Variants in PSD3 observed in about 807,000 individuals in gnomAD.
The protein encoded by PSD3 is PH and SEC7 domain-containing protein 3.
In PSD3, 49 loss-of-function variants were observed where a neutral mutation model predicts 105.5. The observed-to-expected ratio is 0.46, with a 90% CI of 0.37 to 0.59. The LOEUF is 0.59. Ranked by LOEUF, PSD3 falls within the 20% of genes least tolerant of loss-of-function variation. The pLI is 0.00. For missense variants in PSD3, 1,561 were observed against 1,263.8 expected (o/e 1.24, Z -3.57); for synonymous variants, 557 against 457.8 (o/e 1.22, Z -2.77).
chr8:18,613,344 G>A (rs142559866), intron 11 of PSD3, among the ~76,000 whole-genome samples: 11 of 152,230 alleles, frequency 7.2e-5, no homozygotes, highest in East Asian at 1.9e-4. Flanking sequence ...CTGTTTGCAG[G>A]GGGGAGGAGC....
At chr8:18,865,286 A>T (rs28546798) in intron 4 of PSD3, 6,295 of 13,458 alleles carry the variant, frequency 0.47, 1,223 homozygotes, top group East Asian at 0.65. Context: ...ATATATATAT[A>T]TTTTTTTTTT....
intron 8 of PSD3, among the ~76,000 whole-genome samples, chr8:18,781,226 C>T (rs556271439): frequency 3.7e-4 from 56 of 152,102 alleles, no homozygotes; most frequent in Non-Finnish European, 6.2e-4. Context: ...ACCATAAATC[C>T]CATTCCTAGG....
chr8:18,925,289 A>G (rs963716823), intron 2 of PSD3, among the ~76,000 whole-genome samples: 2 of 152,060 alleles, frequency 1.3e-5, no homozygotes, highest in African/African-American at 4.8e-5. Flanking sequence ...CAGCTACTCA[A>G]GAGGCTGAGG....
chr8:18,612,920 T>C (rs924326238), intron 11 of PSD3, among the ~76,000 whole-genome samples: 2 of 152,110 alleles, frequency 1.3e-5, no homozygotes, highest in Non-Finnish European at 2.9e-5. Context: ...TAAAAACAAG[T>C]ATCTTTCCCC....
chr8:18,568,789 C>G (rs970685098), intron 14 of PSD3, among the ~76,000 whole-genome samples: 1 of 151,790 alleles, frequency 6.6e-6, no homozygotes, highest in African/African-American at 2.4e-5. Flanking sequence ...ATGTGCCATG[C>G]TGGTGCGCTG....
chr8:18,736,124 G>A (rs908564865), intron 9 of PSD3, among the ~76,000 whole-genome samples: 4 of 152,096 alleles, frequency 2.6e-5, no homozygotes, highest in African/African-American at 9.7e-5. Context: ...ACCTATTTAA[G>A]TATAAGCATA....
intron 9 of PSD3, among the ~76,000 whole-genome samples, chr8:18,748,774 A>G (rs2129437042): frequency 6.6e-6 from 1 of 152,120 alleles, no homozygotes; most frequent in South Asian, 2.1e-4. Context: ...TGACCTCATC[A>G]TCTCTCCACA....
chr8:19,006,184 T>C (rs567560240), intron 1 of PSD3, among the ~76,000 whole-genome samples: 11 of 150,030 alleles, frequency 7.3e-5, no homozygotes, highest in African/African-American at 2.7e-4. Flanking sequence ...TCTCAGCTAC[T>C]CGGGAGGTGG....
chr8:18,893,967 G>C (rs532202501), intron 2 of PSD3, among the ~76,000 whole-genome samples: 1 of 152,266 alleles, frequency 6.6e-6, no homozygotes, highest in Admixed American at 6.5e-5. Context: ...CTTTCAAAAT[G>C]CAAGAGCTTG....
At position 18,701,507 on chromosome 8, in the gene PSD3, A is replaced by T. The variant is rs1338509116; in HGVS notation, c.2173-45822T>A. On this transcript the variant is annotated intron_variant, in intron 9 of 15. Coordinates refer to ENST00000327040, the MANE Select transcript of PSD3 (RefSeq NM_015310.4). ...CTTTTATACAGAATGGAACAATCAC[A>T]TCGTTTATCAATAGGGTAAGCTGAA... 2.0e-5 allele frequency among the ~76,000 whole-genome samples: 3 copies of T among 152,160 alleles called. No homozygotes were observed. The East Asian group carries it at 5.8e-4, about 29-fold the overall frequency.
At chr8:19,061,607 A>G (rs1393998258) in intron 1 of PSD3, among the ~76,000 whole-genome samples, 1 of 152,126 alleles carries the variant, frequency 6.6e-6, no homozygotes, top group Non-Finnish European at 1.5e-5. Context: ...GGAGTTCAAG[A>G]CCACTCTGAC....
Position 18,863,709 on chromosome 8 carries a change from T to C in PSD3, c.1634+3965A>G, listed in dbSNP as rs1816622873. ...TTCACCTTACACAGAGTGAGCCGCT[T>C]GATGTCACAAAGGTATTTAATACTT... On this transcript the variant is annotated intron_variant, in intron 4 of 15. Transcript: ENST00000327040. Among the ~76,000 whole-genome samples, 4 of 152,276 alleles carry C rather than the reference T, an allele frequency of 2.6e-5. No homozygotes were observed. The South Asian group carries it at 8.3e-4, about 32-fold the overall frequency.
chr8:19,048,249 C>T (rs1289506901), intron 1 of PSD3, among the ~76,000 whole-genome samples: 2 of 152,072 alleles, frequency 1.3e-5, no homozygotes, highest in Non-Finnish European at 2.9e-5. Context: ...AGAGAGGTGG[C>T]CCCACCCTCT....
intron 8 of PSD3, among the ~76,000 whole-genome samples, chr8:18,795,453 G>C (rs541419151): frequency 1.6e-4 from 25 of 152,292 alleles, no homozygotes; most frequent in African/African-American, 6.0e-4. Context: ...CTCAAGCCTT[G>C]ATGTTAAAAG....
chr8:18,607,515 G>A (rs183604237), intron 11 of PSD3, among the ~76,000 whole-genome samples: 9 of 151,992 alleles, frequency 5.9e-5, no homozygotes, highest in East Asian at 3.9e-4. Flanking sequence ...AGCACTGGGC[G>A]TTTTCACTCT....
rs371850001 is a variant in PSD3 at position 18,556,251 on chromosome 8, G to A, written c.2886C>T (p.Asp962=). 7.4e-6 allele frequency: 12 copies of A among 1,613,896 alleles called. No individual in the cohort carries two copies. In the East Asian group the frequency reaches 1.1e-4, roughly 15 times the overall value. Residue 962 remains aspartate (D), a synonymous_variant, in exon 15 of 16, where the codon GAC becomes GAT. Coordinates refer to ENST00000327040, the MANE Select transcript of PSD3 (RefSeq NM_015310.4). ...GGTCTTTCAGTTTGTACTCATCGAC[G>A]TCCTTGGCTTTGACCTTCTTGTCGG... The part of the protein sequence containing the change: ...YPPDKKVKAK[D]VDEYKLKDHY...
chr8:18,742,952 CACAGTCAGGTCTCTT>C (rs1804694489), intron 9 of PSD3, among the ~76,000 whole-genome samples: 1 of 152,152 alleles, frequency 6.6e-6, no homozygotes, highest in Non-Finnish European at 1.5e-5. Context: ...TGGCTGAGAG[CACAGTCAGGTCTCTT>C]ACAATTTCCA....
intron 4 of PSD3, among the ~76,000 whole-genome samples, chr8:18,837,519 G>C (rs17127291): frequency 0.02 from 3,038 of 152,284 alleles, 107 homozygotes; most frequent in African/African-American, 0.068. Flanking sequence ...TGTTCTAATA[G>C]TGTATTCCTC....
chr8:18,876,052 T>G (rs935769990), intron 2 of PSD3, among the ~76,000 whole-genome samples: 4 of 152,178 alleles, frequency 2.6e-5, no homozygotes, highest in African/African-American at 9.7e-5. Context: ...GGTGTACTCA[T>G]GTCATATCAT....
Sources: gnomAD v4.1 joint callset for allele counts (sites outside exome capture counted in the v4.1 genomes callset) on GRCh38, gnomAD v4.1.1 for gene constraint, MANE v1.5 for transcripts, NCBI Gene and HGNC (gene_info 2026-07-23, HGNC 2026-07-21) for gene names.